Variants in KIF13A observed in about 807,000 individuals in gnomAD.
KIF13A encodes the protein kinesin family member 13A.
A neutral mutation model predicts 212.2 loss-of-function variants in KIF13A; 79 were observed. The ratio of observed to expected loss-of-function variants is 0.37; its 90% CI spans 0.31 to 0.45. The LOEUF (loss-of-function observed/expected upper bound fraction) is 0.45, where lower values mean the gene tolerates loss of function less well. Ranked by LOEUF, KIF13A falls within the 20% of genes least tolerant of loss-of-function variation. KIF13A has a pLI of 1.00. For missense variants in KIF13A, 1,901 were observed against 2,209.0 expected (o/e 0.86, Z 2.79); for synonymous variants, 789 against 808.6 (o/e 0.98, Z 0.41).
At chr6:17,975,164 T>A (rs1200416452) in intron 2 of KIF13A, among the ~76,000 whole-genome samples, 1 of 152,040 alleles carries the variant, frequency 6.6e-6, no homozygotes, top group Non-Finnish European at 1.5e-5. Context: ...GCCAACATAG[T>A]GAAACCCTAT....
intron 16 of KIF13A, among the ~76,000 whole-genome samples, chr6:17,819,013 T>C (rs1157270377): frequency 8.0e-5 from 12 of 150,882 alleles, no homozygotes. Flanking sequence ...TTTTTTTTTT[T>C]TTTTGAGACG....
intron 2 of KIF13A, among the ~76,000 whole-genome samples, chr6:17,943,407 T>TTG (rs1488517992): frequency 2.6e-5 from 4 of 151,316 alleles, no homozygotes; most frequent in African/African-American, 9.8e-5. Flanking sequence ...CAGATTTTTT[T>TTG]TTTTTTTTTT....
At position 17,834,656 on chromosome 6, in the gene KIF13A, A is replaced by G. The variant is rs1257347236; in HGVS notation, c.1156-585T>C. Among the ~76,000 whole-genome samples the G allele has an allele frequency of 6.6e-6, 1 of 152,214 alleles. No individual in the cohort carries two copies. Among genetic ancestry groups the G allele is most frequent in the Non-Finnish European group, 1.5e-5 (1 of 68,030 alleles). On this transcript the variant is annotated intron_variant, in intron 11 of 38. Coordinates refer to ENST00000259711, the MANE Select transcript of KIF13A (RefSeq NM_022113.6). The surrounding 1 kb of genome is among the most constrained non-coding windows in gnomAD (Gnocchi z 4.0). ...TCAGGGAGAGTAACTAAGAGGTTTC[A>G]ATACAGATACTTGCAGCTTAACAAA...
downstream of KIF13A, chr6:17,760,634 A>G: frequency 1.7e-6 from 1 of 584,904 alleles, no homozygotes; most frequent in South Asian, 2.1e-5. Context: ...TGCTTTCTGG[A>G]AAAAGCAGAG....
intron 3 of KIF13A, among the ~76,000 whole-genome samples, chr6:17,877,698 T>A (rs1770696439): frequency 1.3e-5 from 2 of 151,838 alleles, no homozygotes; most frequent in South Asian, 4.2e-4. Flanking sequence ...TCTTTACCGC[T>A]CTCCTTCTTA....
At position 17,809,656 on chromosome 6, in the gene KIF13A, AC is replaced by A. The variant is rs1763264246; in HGVS notation, c.2001-727del. On this transcript the variant is annotated intron_variant, in intron 17 of 38. Coordinates refer to ENST00000259711, the MANE Select transcript of KIF13A (RefSeq NM_022113.6). This position sits in a 1 kb window ranked among gnomAD's most constrained non-coding sequence, Gnocchi z 4.7. ...ACCCTAGCTCCTGGCCAAGTGCATG[AC>A]CCATCGTAGGATATTCAAAAAAGAC... Among the ~76,000 whole-genome samples, 1 of 152,158 alleles carries A rather than the reference AC, an allele frequency of 6.6e-6. No individual in the cohort carries two copies. Among genetic ancestry groups the A allele is most frequent in the Non-Finnish European group, 1.5e-5 (1 of 68,016 alleles).
At chr6:17,911,915 C>A (rs377184308) in intron 2 of KIF13A, among the ~76,000 whole-genome samples, 4 of 152,160 alleles carry the variant, frequency 2.6e-5, no homozygotes, top group African/African-American at 9.6e-5. Flanking sequence ...CAGGAATGCA[C>A]CACCATGCCC....
chr6:17,864,048 T>A (rs74497439), intron 4 of KIF13A, among the ~76,000 whole-genome samples: 2,706 of 152,246 alleles, frequency 0.018, 91 homozygotes, highest in African/African-American at 0.061. Flanking sequence ...GTGCTATTTG[T>A]CTAGGGGAAA....
chr6:17,856,907 AC>A lies in KIF13A; in HGVS notation c.221-786del, dbSNP rs1203146593. Reference sequence around the variant, plus strand: ...TATAGTCCTTAGAACATTCACTATTACAGCATTTGCAGAAACTACTAGTTTA... The same window carrying A: ...TATAGTCCTTAGAACATTCACTATTAAGCATTTGCAGAAACTACTAGTTTA... On this transcript the variant is annotated intron_variant, in intron 4 of 38. Coordinates refer to ENST00000259711, the MANE Select transcript of KIF13A (RefSeq NM_022113.6). This position sits in a 1 kb window ranked among gnomAD's most constrained non-coding sequence, Gnocchi z 4.5. Among the ~76,000 whole-genome samples the A allele has an allele frequency of 6.6e-6, 1 of 152,178 alleles. No homozygotes were observed. The highest frequency in any genetic ancestry group is 1.5e-5 in the Non-Finnish European group (1 of 68,026).
At chr6:17,836,419 CTTAT>C (rs1250886532) in intron 11 of KIF13A, among the ~76,000 whole-genome samples, 1 of 152,172 alleles carries the variant, frequency 6.6e-6, no homozygotes, top group Non-Finnish European at 1.5e-5. Flanking sequence ...GGAATTATCT[CTTAT>C]TTGTTTGTTT....
At chr6:17,985,407 A>C (rs1471405356) in intron 2 of KIF13A, among the ~76,000 whole-genome samples, 1 of 152,106 alleles carries the variant, frequency 6.6e-6, no homozygotes, top group African/African-American at 2.4e-5. Flanking sequence ...AATCCCACAA[A>C]ATCAAATCTG....
chr6:17,771,684 T>C lies in KIF13A; in HGVS notation c.4476+224A>G. 2.3e-6 allele frequency: 1 copy of C among 442,808 alleles called. No homozygotes were observed. The highest frequency in any genetic ancestry group is 3.2e-5 in the East Asian group (1 of 31,098). 27.4% of individuals were successfully genotyped at this position (442,808 alleles called of 1,614,324 possible). A position where few individuals can be genotyped will look rare whatever the true frequency, so the allele number is the denominator to read the frequency against. ...TCACTTGAAACATAAAAAAATACTTTGAAAAGCCATAAACACAAAGAAATA... is the reference window on the plus strand; with the variant it reads ...TCACTTGAAACATAAAAAAATACTTCGAAAAGCCATAAACACAAAGAAATA... On this transcript the variant is annotated intron_variant, in intron 37 of 38. Transcript: ENST00000259711. This position sits in a 1 kb window ranked among gnomAD's most constrained non-coding sequence, Gnocchi z 5.4.
intron 3 of KIF13A, among the ~76,000 whole-genome samples, chr6:17,874,914 A>G (rs921650302): frequency 1.3e-5 from 2 of 150,730 alleles, no homozygotes; most frequent in South Asian, 2.1e-4. Flanking sequence ...ATAGTCTCCA[A>G]TCTCATGCAG....
intron 2 of KIF13A, among the ~76,000 whole-genome samples, chr6:17,917,547 A>G (rs1334678360): frequency 1.3e-5 from 2 of 151,930 alleles, no homozygotes; most frequent in Non-Finnish European, 2.9e-5. Flanking sequence ...GGCCTTACAC[A>G]TGGTTCTTGA....
chr6:17,842,000 CGTGTGTGTGTGTGTGTGT>C (rs56396263), intron 9 of KIF13A, among the ~76,000 whole-genome samples: 1 of 143,822 alleles, frequency 7.0e-6, no homozygotes, highest in South Asian at 2.2e-4. Flanking sequence ...TATACACATA[CGTGTGTGTGTGTGTGTGT>C]GTGTGTGTGT....
At chr6:17,873,356 G>C in intron 4 of KIF13A, 21 bp downstream of exon 4, 1 of 1,555,124 alleles carries the variant, frequency 6.4e-7, no homozygotes, top group East Asian at 2.3e-5. Flanking sequence ...CAACTGTCAG[G>C]TGTAGAGGGA....
At chr6:17,866,383 T>C (rs939021353) in intron 4 of KIF13A, among the ~76,000 whole-genome samples, 3 of 152,112 alleles carry the variant, frequency 2.0e-5, no homozygotes, top group Non-Finnish European at 4.4e-5. Flanking sequence ...AGGAGTCATA[T>C]TGAATGACTC....
intron 17 of KIF13A, among the ~76,000 whole-genome samples, chr6:17,813,868 G>A (rs991389344): frequency 7.3e-5 from 11 of 151,356 alleles, no homozygotes; most frequent in Admixed American, 5.3e-4. Context: ...GGCAGTAGCA[G>A]TTGTGAGGAT....
chr6:17,905,111 GA>G (rs1773381358), intron 2 of KIF13A, among the ~76,000 whole-genome samples: 1 of 152,212 alleles, frequency 6.6e-6, no homozygotes. Flanking sequence ...AAAACATTAT[GA>G]GATTCTTTTG....
Sources: allele counts gnomAD v4.1 joint callset (sites outside exome capture counted in the v4.1 genomes callset), GRCh38; gene constraint gnomAD v4.1.1; non-coding constraint Gnocchi (gnomAD v3.1); transcripts MANE v1.5; gene names NCBI Gene and HGNC (gene_info 2026-07-23, HGNC 2026-07-21).